Variants in KIF3B observed in about 807,000 individuals in gnomAD.
The protein encoded by KIF3B is kinesin family member 3B.
Under a neutral mutation model 74.3 loss-of-function variants are expected in KIF3B, and 38 were observed. The observed-to-expected ratio is 0.51, with a 90% CI of 0.39 to 0.67. The LOEUF is 0.67. KIF3B is among the 30% of genes least tolerant of loss of function. KIF3B has a pLI of 0.00. For synonymous variants in KIF3B, 326 were observed against 342.5 expected, an observed-to-expected ratio of 0.95 and a Z score of 0.53; for missense variants, 649 against 932.0, an observed-to-expected ratio of 0.70 and a Z score of 3.95.
chr20:32,319,019 G>C (rs932092082), intron 5 of KIF3B, among the ~76,000 whole-genome samples: 11 of 151,694 alleles, frequency 7.3e-5, no homozygotes, highest in African/African-American at 2.7e-4. Flanking sequence ...GGTGTGCAGA[G>C]GTGCAGTCTC....
Position 32,334,105 on chromosome 20 carries a change from C to G in KIF3B, c.*2786C>G, listed in dbSNP as rs1217905753. On this transcript the variant is annotated 3_prime_UTR_variant, in exon 9 of 9. Coordinates refer to ENST00000375712, the MANE Select transcript of KIF3B (RefSeq NM_004798.4). ...TCATGCCGGCAGCAGCTAGCAAAGC[C>G]AGAAAGCAAGTCTAACAGGATCTAA... The G allele has an allele frequency of 2.0e-5, 3 of 152,676 alleles. No individual in the cohort carries two copies. Among genetic ancestry groups the G allele is most frequent in the African/African-American group, 7.2e-5 (3 of 41,444 alleles). 9.5% of individuals were successfully genotyped at this position (152,676 alleles called of 1,614,324 possible).
At chr20:32,314,889 T>C (rs1465288817) in intron 2 of KIF3B, among the ~76,000 whole-genome samples, 1 of 152,116 alleles carries the variant, frequency 6.6e-6, no homozygotes, top group African/African-American at 2.4e-5. Flanking sequence ...TTCTGCCCAC[T>C]GGGATGCTCA....
intron 1 of KIF3B, among the ~76,000 whole-genome samples, chr20:32,296,601 A>G (rs886891082): frequency 2.7e-5 from 4 of 149,194 alleles, no homozygotes; most frequent in Non-Finnish European, 6.0e-5. Flanking sequence ...CGGTCTGAAG[A>G]AAAAAAAAAG....
Position 32,310,071 on chromosome 20 carries a change from T to C in KIF3B, c.294T>C (p.Thr98=), listed in dbSNP as rs754856104. 1 of 1,614,086 alleles carries C rather than the reference T, an allele frequency of 6.2e-7. No individual in the cohort carries two copies. Among genetic ancestry groups the C allele is most frequent in the East Asian group, 2.2e-5 (1 of 44,900 alleles). ...GAACCATTTTTGCCTATGGACAAAC[T>C]GGGACAGGAAAAACCTACACCATGG... ...FNGTIFAYGQ[T]GTGKTYTMEG... Residue 98 remains threonine, a synonymous_variant, in exon 2 of 9, where the codon ACT becomes ACC. Transcript: ENST00000375712. The surrounding 1 kb of genome is among the most constrained non-coding windows in gnomAD (Gnocchi z 6.5).
At position 32,332,025 on chromosome 20, in the gene KIF3B, A is replaced by G. The variant is rs751246133; in HGVS notation, c.*706A>G. The G allele has an allele frequency of 6.5e-6, 1 of 152,716 alleles. No homozygotes were observed. The highest frequency in any genetic ancestry group is 1.5e-5 in the Non-Finnish European group (1 of 68,088). 9.5% of individuals were successfully genotyped at this position (152,716 alleles called of 1,614,324 possible). A position where few individuals can be genotyped will look rare whatever the true frequency, so the allele number is the denominator to read the frequency against. On this transcript the variant is annotated 3_prime_UTR_variant, in exon 9 of 9. Coordinates refer to ENST00000375712, the MANE Select transcript of KIF3B (RefSeq NM_004798.4). ...TTGCCTTCTCTGAGTGTTTAGGGAAATAGCTTCTTTAAAACCTCAAAACCA... is the reference window on the plus strand; with the variant it reads ...TTGCCTTCTCTGAGTGTTTAGGGAAGTAGCTTCTTTAAAACCTCAAAACCA...
intron 5 of KIF3B, among the ~76,000 whole-genome samples, chr20:32,317,673 TA>T (rs2047835222): frequency 6.6e-6 from 1 of 150,852 alleles, no homozygotes; most frequent in Non-Finnish European, 1.5e-5. Flanking sequence ...AGTTTTGCTC[TA>T]TCACCCAGGC....
chr20:32,321,390 C>G (rs1273965565), intron 5 of KIF3B, among the ~76,000 whole-genome samples: 1 of 150,588 alleles, frequency 6.6e-6, no homozygotes, highest in Non-Finnish European at 1.5e-5. Flanking sequence ...GATCATGCCA[C>G]TGTACTCCAG....
rs576304159 is a variant in KIF3B at position 32,322,227 on chromosome 20, T to C, written c.1749-4544T>C. Among the ~76,000 whole-genome samples, 347 of 152,276 alleles carry C rather than the reference T, an allele frequency of 2.3e-3. 1 individual carries two copies. The highest frequency in any genetic ancestry group is 4.5e-3 in the Non-Finnish European group (305 of 68,022). The stretch of plus-strand genomic sequence containing the variant: ...TTTCAGTGTATAATTCTTACACTTT[T>C]GTTAAATTTATACCTAAGGGTTTTT... On this transcript the variant is annotated intron_variant, in intron 5 of 8. Transcript: ENST00000375712.
intron 1 of KIF3B, among the ~76,000 whole-genome samples, chr20:32,304,881 CT>C (rs1003300897): frequency 1.3e-5 from 2 of 151,886 alleles, no homozygotes; most frequent in African/African-American, 4.8e-5. Context: ...TGGCTCACGC[CT>C]GTAATCCCAC....
chr20:32,296,562 C>T (rs1305761486), intron 1 of KIF3B, among the ~76,000 whole-genome samples: 2 of 151,872 alleles, frequency 1.3e-5, no homozygotes, highest in Admixed American at 6.6e-5. Flanking sequence ...TGCACCACAG[C>T]ACTCCAGCCT....
chr20:32,280,637 C>T (rs933803749), intron 1 of KIF3B, among the ~76,000 whole-genome samples: 5 of 143,498 alleles, frequency 3.5e-5, no homozygotes, highest in Non-Finnish European at 7.5e-5. Context: ...ATGGCGTGAA[C>T]CGGGGAGGTG....
chr20:32,289,445 G>A (rs2047681213), intron 1 of KIF3B, among the ~76,000 whole-genome samples: 1 of 152,122 alleles, frequency 6.6e-6, no homozygotes. Context: ...ACCTGCCTTG[G>A]CCTCCCAAAG....
chr20:32,279,838 GATT>G lies in KIF3B; in HGVS notation c.-66+2076_-66+2078del, dbSNP rs142362728. Among the ~76,000 whole-genome samples the G allele has an allele frequency of 1.5e-3, 231 of 152,342 alleles. 5 individuals carry two copies. In the East Asian group the frequency reaches 0.039, roughly 25 times the overall value. On this transcript the variant is annotated intron_variant, in intron 1 of 8. Coordinates refer to ENST00000375712, the MANE Select transcript of KIF3B (RefSeq NM_004798.4). ...TCATTAAAATGAGGGGACTAGGCTA[GATT>G]ATACTGAAGGCCCTTTCAGTGCTGT... is the stretch of plus-strand genomic sequence containing the variant.
intron 1 of KIF3B, among the ~76,000 whole-genome samples, chr20:32,304,987 A>G (rs1166860496): frequency 6.6e-6 from 1 of 152,006 alleles, no homozygotes; most frequent in Admixed American, 6.6e-5. Flanking sequence ...CTAAAAAAAA[A>G]AAATACAGAA....
In KIF3B at chr20:32,330,314, G is replaced by C; in HGVS notation, c.2142G>C (p.Lys714Asn). 1 of 1,613,576 alleles carries C rather than the reference G, an allele frequency of 6.2e-7. No homozygotes were observed. Residue 714 changes from lysine (K) to asparagine (N), a missense_variant, in exon 8 of 9, where the codon AAG becomes AAC. By Grantham distance (94) the Lys-to-Asn change is moderately conservative (BLOSUM62 0). Coordinates refer to ENST00000375712, the MANE Select transcript of KIF3B (RefSeq NM_004798.4). ...SFESTANKKSKARPKSGRKSG... is the reference protein window; with the variant it reads ...SFESTANKKSNARPKSGRKSG... ...AAAGCACTGCAAATAAGAAATCCAA[G>C]GCCAGGTGAGTGGCTTTGATGACGT...
intron 1 of KIF3B, among the ~76,000 whole-genome samples, chr20:32,298,499 A>G (rs758756243): frequency 1.2e-4 from 18 of 147,132 alleles, no homozygotes; most frequent in South Asian, 4.5e-4. Context: ...GGGAAATGTT[A>G]TAAAGCTTGA....
At chr20:32,278,901 G>T (rs2047628454) in intron 1 of KIF3B, among the ~76,000 whole-genome samples, 1 of 151,204 alleles carries the variant, frequency 6.6e-6, no homozygotes, top group African/African-American at 2.4e-5. Context: ...AAAGTAAAGG[G>T]AAGGACCTGC....
At chr20:32,309,634 T>G in intron 1 of KIF3B, 79 bp from the exon 2 acceptor site, 1 of 821,126 alleles carries the variant, frequency 1.2e-6, no homozygotes, top group Non-Finnish European at 1.9e-6. Flanking sequence ...AGATGAAGAC[T>G]ATTTAGGTGT....
intron 1 of KIF3B, among the ~76,000 whole-genome samples, chr20:32,299,084 A>T (rs573406170): frequency 3.3e-5 from 5 of 152,008 alleles, no homozygotes; most frequent in Non-Finnish European, 7.4e-5. Flanking sequence ...CTATTTATTT[A>T]TCCATGTTAA....
Sources: allele counts gnomAD v4.1 joint callset (sites outside exome capture counted in the v4.1 genomes callset), GRCh38; gene constraint gnomAD v4.1.1; non-coding constraint Gnocchi (gnomAD v3.1); transcripts MANE v1.5; gene names NCBI Gene and HGNC (gene_info 2026-07-23, HGNC 2026-07-21).